NR6A1: variants seen among roughly 807,000 people sequenced by gnomAD.
NR6A1 encodes the protein retinoic acid receptor-related testis-associated receptor.
In NR6A1, 7 loss-of-function variants were observed where a neutral mutation model predicts 59.1. The observed-to-expected ratio is 0.12, with a 90% confidence interval of 0.07 to 0.22. The LOEUF (loss-of-function observed/expected upper bound fraction) is 0.22. Ranked by LOEUF, NR6A1 falls within the 10% of genes least tolerant of loss-of-function variation. The pLI is 1.00. For synonymous variants in NR6A1, 243 were observed against 236.1 expected (o/e 1.03, Z -0.27); for missense variants, 468 against 611.6 (o/e 0.77, Z 2.48).
At chr9:124,739,329 T>G (rs2131143428) in intron 1 of NR6A1, among the ~76,000 whole-genome samples, 1 of 152,334 alleles carries the variant, frequency 6.6e-6, no homozygotes, top group South Asian at 2.1e-4. Context: ...CATTCAATTG[T>G]CATGAGATTT....
At chr9:124,763,804 G>A (rs890740161) in intron 1 of NR6A1, among the ~76,000 whole-genome samples, 2 of 152,180 alleles carry the variant, frequency 1.3e-5, no homozygotes, top group African/African-American at 4.8e-5. Context: ...GGAATTAAAA[G>A]ACTGAATTTT....
At position 124,675,993 on chromosome 9, in the gene NR6A1, G is replaced by C. The variant is rs371944057; in HGVS notation, c.142+57315C>G. ...GCAAATGGATGGAATGTAGCACATG[G>C]AACTGCCTGAATAGATACCCACGCT... is the stretch of plus-strand genomic sequence containing the variant. On this transcript the variant is annotated intron_variant, in intron 2 of 9. Coordinates refer to ENST00000487099, the MANE Select transcript of NR6A1 (RefSeq NM_033334.4). 1.1e-3 allele frequency among the ~76,000 whole-genome samples: 175 copies of C among 152,290 alleles called. 2 individuals are homozygous for C. Among genetic ancestry groups the C allele is most frequent in the African/African-American group, 3.7e-3 (155 of 41,560 alleles).
rs1834090794 is a variant in NR6A1 at position 124,561,776 on chromosome 9, G to C, written c.143-7206C>G. ...AAAATACAAAAATCAGCCAGGCATG[G>C]TGGTATGCGCCTGTAATACCAGCTA... On this transcript the variant is annotated intron_variant, in intron 2 of 9. Coordinates refer to ENST00000487099, the MANE Select transcript of NR6A1 (RefSeq NM_033334.4). Among the ~76,000 whole-genome samples, 3 of 152,084 alleles carry C rather than the reference G, an allele frequency of 2.0e-5. No individual in the cohort carries two copies. In the South Asian group the frequency reaches 6.2e-4, roughly 32 times the overall value.
At chr9:124,554,223 G>A in intron 3 of NR6A1, 105 bp downstream of exon 3, 1 of 1,537,898 alleles carries the variant, frequency 6.5e-7, no homozygotes, top group Non-Finnish European at 8.9e-7. Context: ...AAACTATAAG[G>A]CCTGATATGT....
chr9:124,641,571 A>G (rs528280314), intron 2 of NR6A1, among the ~76,000 whole-genome samples: 2 of 152,198 alleles, frequency 1.3e-5, no homozygotes, highest in East Asian at 3.9e-4. Context: ...ATGGTGTTGC[A>G]TGCCTGTAGT....
rs527474519 is a variant in NR6A1 at position 124,708,381 on chromosome 9, C to T, written c.142+24927G>A. On this transcript the variant is annotated intron_variant, in intron 2 of 9. Coordinates refer to ENST00000487099, the MANE Select transcript of NR6A1 (RefSeq NM_033334.4). The stretch of plus-strand genomic sequence containing the variant: ...ACTCCTGCTGTTCTTACCCCAAGTA[C>T]AGTGGTTTTCATGAATAAATGCTTC... 2.0e-5 allele frequency among the ~76,000 whole-genome samples: 3 copies of T among 152,324 alleles called. No homozygotes were observed. In the South Asian group the frequency reaches 6.2e-4, roughly 32 times the overall value.
intron 4 of NR6A1, among the ~76,000 whole-genome samples, chr9:124,542,506 C>A (rs538452932): frequency 1.3e-5 from 2 of 152,256 alleles, no homozygotes; most frequent in Admixed American, 6.5e-5. Flanking sequence ...ACTGCCATTG[C>A]TCTGCTTCAA....
In NR6A1 at chr9:124,723,709, A is replaced by G. The variant is rs554500758; in HGVS notation, c.142+9599T>C. Among the ~76,000 whole-genome samples, 91 of 152,348 alleles carry G rather than the reference A, an allele frequency of 6.0e-4. 1 individual carries two copies. The South Asian group carries it at 0.018, about 30-fold the overall frequency. ...CACTTAATAGTATTTACCATTTGTC[A>G]AGCACTATTCCAAACTTTAAATATA... On this transcript the variant is annotated intron_variant, in intron 2 of 9. Coordinates refer to ENST00000487099, the MANE Select transcript of NR6A1 (RefSeq NM_033334.4).
chr9:124,626,976 G>T (rs1384957699), intron 2 of NR6A1, among the ~76,000 whole-genome samples: 2 of 152,142 alleles, frequency 1.3e-5, no homozygotes, highest in African/African-American at 4.8e-5. Flanking sequence ...AGACTACTGA[G>T]AAGCTACCAT....
intron 1 of NR6A1, among the ~76,000 whole-genome samples, chr9:124,742,241 A>G (rs1378258679): frequency 6.6e-6 from 1 of 152,190 alleles, no homozygotes; most frequent in Non-Finnish European, 1.5e-5. Context: ...AATTTCAACC[A>G]GAAAACCAAA....
intron 2 of NR6A1, among the ~76,000 whole-genome samples, chr9:124,594,776 G>C (rs1423729600): frequency 6.6e-6 from 1 of 152,164 alleles, no homozygotes; most frequent in Non-Finnish European, 1.5e-5. Context: ...ATTATCAGAG[G>C]GGGTCCCACT....
At chr9:124,592,934 C>T (rs1164986013) in intron 2 of NR6A1, among the ~76,000 whole-genome samples, 2 of 152,094 alleles carry the variant, frequency 1.3e-5, no homozygotes, top group Non-Finnish European at 2.9e-5. Context: ...TGAATTAATG[C>T]CTTAGTCCTC....
chr9:124,768,881 T>C (rs1841019167), intron 1 of NR6A1, among the ~76,000 whole-genome samples: 1 of 152,168 alleles, frequency 6.6e-6, no homozygotes, highest in African/African-American at 2.4e-5. Context: ...CTACATTATA[T>C]GCACAGGTGG....
At chr9:124,703,207 ATTTTTTTTTT>A (rs80014383) in intron 2 of NR6A1, among the ~76,000 whole-genome samples, 1 of 104,570 alleles carries the variant, frequency 9.6e-6, no homozygotes, top group Non-Finnish European at 1.9e-5. Context: ...ACACGGCCAC[ATTTTTTTTTT>A]TTTTTTTTTT....
At chr9:124,542,589 T>A (rs1833482039) in intron 4 of NR6A1, among the ~76,000 whole-genome samples, 1 of 152,220 alleles carries the variant, frequency 6.6e-6, no homozygotes, top group East Asian at 1.9e-4. Context: ...TCAGTTTTAC[T>A]CACCCTCACC....
intron 2 of NR6A1, among the ~76,000 whole-genome samples, chr9:124,567,432 G>A (rs981301277): frequency 6.6e-6 from 1 of 152,158 alleles, no homozygotes; most frequent in Non-Finnish European, 1.5e-5. Context: ...GGGACAAAAG[G>A]ATTCCACAAC....
chr9:124,687,486 T>G (rs1049388555), intron 2 of NR6A1, among the ~76,000 whole-genome samples: 6 of 152,014 alleles, frequency 3.9e-5, no homozygotes, highest in African/African-American at 1.5e-4. Flanking sequence ...ATGTAAAATT[T>G]TAAAATGTTC....
At chr9:124,758,565 T>C (rs1840701520) in intron 1 of NR6A1, among the ~76,000 whole-genome samples, 1 of 152,158 alleles carries the variant, frequency 6.6e-6, no homozygotes, top group South Asian at 2.1e-4. Context: ...ATGAAAAAAG[T>C]GATCTTGTTT....
chr9:124,536,204 A>G lies in NR6A1; in HGVS notation c.825-72T>C. ...GAGGATAAGGGTACAGAGAGAAGGT[A>G]GTCCCAAGGGCACAAAGGGACCCTG... is the stretch of plus-strand genomic sequence containing the variant. On this transcript the variant is annotated intron_variant, in intron 6 of 9. Coordinates refer to ENST00000487099, the MANE Select transcript of NR6A1 (RefSeq NM_033334.4). The G allele has an allele frequency of 4.5e-6, 7 of 1,538,788 alleles. No homozygotes were observed. In the South Asian group the frequency reaches 8.6e-5, roughly 19 times the overall value.
Sources: gnomAD v4.1 joint callset for allele counts (sites outside exome capture counted in the v4.1 genomes callset) on GRCh38, gnomAD v4.1.1 for gene constraint, MANE v1.5 for transcripts, NCBI Gene and HGNC (gene_info 2026-07-23, HGNC 2026-07-21) for gene names.